The following LRRC4B variants were observed in gnomAD, a reference collection of about 807,000 sequenced individuals.
LRRC4B encodes leucine rich repeat containing 4B, also known as leucine-rich repeat-containing protein 4B.
A neutral mutation model predicts 7.3 loss-of-function variants in LRRC4B; 1 was observed. That is an observed-to-expected ratio of 0.14 (90% CI 0.05 to 0.65). The LOEUF is 0.65. Among genes scored for constraint, LRRC4B ranks in the 30% least tolerant of loss-of-function variants. The pLI is 0.84. For synonymous variants in LRRC4B, 500 were observed against 499.2 expected (o/e 1.00, Z -0.02); for missense variants, 730 against 1,041.6 (o/e 0.70, Z 4.12).
chr19:50,517,682 G>C lies in LRRC4B; in HGVS notation c.2031C>G (p.Asn677Lys). ...AAAFKAHYSS[N>K]PSGGGCGGKG... ...TGCCCCCGCAGCCCCCGCCGCTGGGGTTGCTGCTGTAGTGCGCCTTGAAGG... is the reference window on the plus strand; with the variant it reads ...TGCCCCCGCAGCCCCCGCCGCTGGGCTTGCTGCTGTAGTGCGCCTTGAAGG... The change falls in exon 3 of 3, where the codon AAC becomes AAG. Residue 677 changes from asparagine to lysine, a missense_variant. By Grantham distance (94) the Asn-to-Lys change is moderately conservative (BLOSUM62 0). Transcript: ENST00000652263. The surrounding 1 kb of genome is among the most constrained non-coding windows in gnomAD (Gnocchi z 6.6). The C allele has an allele frequency of 6.5e-7, 1 of 1,543,840 alleles. No homozygotes were observed. Among genetic ancestry groups the C allele is most frequent in the African/African-American group, 1.4e-5 (1 of 70,172 alleles).
chr19:50,536,219 C>T (rs544723943), intron 2 of LRRC4B, among the ~76,000 whole-genome samples: 2 of 152,018 alleles, frequency 1.3e-5, no homozygotes, highest in Admixed American at 6.6e-5. Flanking sequence ...CTGCAACCTT[C>T]GCCTCCCAGG....
intron 1 of LRRC4B, among the ~76,000 whole-genome samples, chr19:50,564,863 G>T (rs1157404958): frequency 1.0e-5 from 1 of 96,250 alleles, no homozygotes; most frequent in Non-Finnish European, 2.2e-5. Flanking sequence ...AGGGACTGAG[G>T]ATTCAGCGGC....
Position 50,555,598 on chromosome 19 carries a change from A to C in LRRC4B, c.-35-6725T>G, listed in dbSNP as rs749362121. On this transcript the variant is annotated intron_variant, in intron 1 of 2. Coordinates refer to ENST00000652263, the MANE Select transcript of LRRC4B (RefSeq NM_001080457.2). This position sits in a 1 kb window ranked among gnomAD's most constrained non-coding sequence, Gnocchi z 5.2. Reference sequence around the variant, plus strand: ...GGAGGGCCCGGGCACTCGAGGCGTGAAGCTGAGTCCTCACCGGCTTCGCCA... The same window carrying C: ...GGAGGGCCCGGGCACTCGAGGCGTGCAGCTGAGTCCTCACCGGCTTCGCCA... 6.6e-6 allele frequency: 1 copy of C among 152,392 alleles called. No individual in the cohort carries two copies. The highest frequency in any genetic ancestry group is 1.5e-5 in the Non-Finnish European group (1 of 68,256). 9.4% of individuals were successfully genotyped at this position (152,392 alleles called of 1,614,324 possible). A position where few individuals can be genotyped will look rare whatever the true frequency, so the allele number is the denominator to read the frequency against.
At position 50,517,555 on chromosome 19, in the gene LRRC4B, G is replaced by A. The variant is rs529957086; in HGVS notation, c.*16C>T. The A allele has an allele frequency of 2.8e-6, 4 of 1,414,518 alleles. No individual in the cohort carries two copies. The highest frequency in any genetic ancestry group is 2.7e-5 in the East Asian group (1 of 36,560). 87.6% of individuals were successfully genotyped at this position (1,414,518 alleles called of 1,614,324 possible). A position where few individuals can be genotyped will look rare whatever the true frequency, so the allele number is the denominator to read the frequency against. On this transcript the variant is annotated 3_prime_UTR_variant, in exon 3 of 3. Transcript: ENST00000652263. This position sits in a 1 kb window ranked among gnomAD's most constrained non-coding sequence, Gnocchi z 6.6. ...GTGGGGGGCTCCACGCCCCTCGCCCGCCCGGCCCCGCCGCCTCAGATCTGC... is the reference window on the plus strand; with the variant it reads ...GTGGGGGGCTCCACGCCCCTCGCCCACCCGGCCCCGCCGCCTCAGATCTGC...
chr19:50,522,236 T>C (rs970547818), intron 2 of LRRC4B, among the ~76,000 whole-genome samples: 14 of 152,130 alleles, frequency 9.2e-5, no homozygotes, highest in Non-Finnish European at 1.2e-4. Flanking sequence ...TAAGACACAT[T>C]GAACACATCT....
At chr19:50,531,716 C>A (rs1175081760) in intron 2 of LRRC4B, among the ~76,000 whole-genome samples, 1 of 152,136 alleles carries the variant, frequency 6.6e-6, no homozygotes, top group Non-Finnish European at 1.5e-5. Flanking sequence ...GGGTTTGAAT[C>A]CTGGCTTTGC....
intron 2 of LRRC4B, among the ~76,000 whole-genome samples, chr19:50,527,347 TC>T (rs371252573): frequency 8.7e-6 from 1 of 114,620 alleles, no homozygotes; most frequent in Non-Finnish European, 1.7e-5. Context: ...CTTTCTTTTT[TC>T]TTTTTTTTTT....
At chr19:50,545,525 G>A (rs985276062) in intron 2 of LRRC4B, among the ~76,000 whole-genome samples, 3 of 151,982 alleles carry the variant, frequency 2.0e-5, no homozygotes, top group Non-Finnish European at 4.4e-5. Flanking sequence ...AGGCTGCAGG[G>A]AGCCATGATA....
intron 2 of LRRC4B, among the ~76,000 whole-genome samples, chr19:50,536,582 A>G (rs564284297): frequency 6.6e-6 from 1 of 152,154 alleles, no homozygotes; most frequent in East Asian, 1.9e-4. Flanking sequence ...AATGCTGCAG[A>G]TGGATTAGCC....
rs1217768795 is a variant in LRRC4B, at chr19:50,519,487, G to A, written c.298-72C>T. 3 of 1,461,672 alleles carry A rather than the reference G, an allele frequency of 2.1e-6. No homozygotes were observed. The Admixed American group carries it at 7.4e-5, about 36-fold the overall frequency. The allele number at this position is 1,461,672 out of a possible 1,614,324, so 90.5% of individuals were successfully genotyped here. ...CCGTGGGGGGATCACCAAGGTCCCG[G>A]GCGCAGGTGGGGCCGTGTGGCTGGA... On this transcript the variant is annotated intron_variant, in intron 2 of 2. Transcript: ENST00000652263. This position sits in a 1 kb window ranked among gnomAD's most constrained non-coding sequence, Gnocchi z 8.1.
At chr19:50,527,348 C>CTT (rs59423387) in intron 2 of LRRC4B, among the ~76,000 whole-genome samples, 45 of 124,494 alleles carry the variant, frequency 3.6e-4, no homozygotes, top group African/African-American at 1.2e-3. Flanking sequence ...TTTCTTTTTT[C>CTT]TTTTTTTTTT....
Position 50,520,702 on chromosome 19 carries a change from C to T in LRRC4B, c.298-1287G>A, listed in dbSNP as rs1980537414. Among the ~76,000 whole-genome samples the T allele has an allele frequency of 2.0e-5, 3 of 151,904 alleles. No individual in the cohort carries two copies. The South Asian group carries it at 6.2e-4, about 32-fold the overall frequency. On this transcript the variant is annotated intron_variant, in intron 2 of 2. Coordinates refer to ENST00000652263, the MANE Select transcript of LRRC4B (RefSeq NM_001080457.2). ...CTGTAATCCCAGCACTTTGGGAGGC[C>T]AAGGTGAGAGGATCACCTGAGCGCA...
intron 2 of LRRC4B, among the ~76,000 whole-genome samples, chr19:50,525,953 G>A (rs977394138): frequency 2.0e-5 from 3 of 152,116 alleles, no homozygotes; most frequent in Non-Finnish European, 2.9e-5. Flanking sequence ...CCCAGGAGGC[G>A]AGGTTGCGGT....
rs866650371 is a variant in LRRC4B, at chr19:50,522,515, C to T, written c.298-3100G>A. 5.3e-5 allele frequency among the ~76,000 whole-genome samples: 8 copies of T among 151,118 alleles called. No homozygotes were observed. In the South Asian group the frequency reaches 1.0e-3, roughly 20 times the overall value. On this transcript the variant is annotated intron_variant, in intron 2 of 2. Coordinates refer to ENST00000652263, the MANE Select transcript of LRRC4B (RefSeq NM_001080457.2). ...ATTTTGAGATGGAGTCTCGCTCTGT[C>T]GCCCAGCCTGGAGTGCAGAGGCGTG...
Position 50,517,604 on chromosome 19 carries a change from G to A in LRRC4B, c.2109C>T (p.Gly703=). 6.8e-7 allele frequency: 1 copy of A among 1,464,144 alleles called. No individual in the cohort carries two copies. Among genetic ancestry groups the A allele is most frequent in the Non-Finnish European group, 9.0e-7 (1 of 1,109,170 alleles). 90.7% of individuals were successfully genotyped at this position (1,464,144 alleles called of 1,614,324 possible). ...SIHEPLLFKS[G]SKENVQETQI is the part of the protein sequence containing the mutation. The stretch of plus-strand genomic sequence containing the variant: ...GCGTCTCTTGCACGTTCTCCTTGGA[G>A]CCGCTCTTGAAGAGCAGAGGTTCGT... The change falls in exon 3 of 3, where the codon GGC becomes GGT. Residue 703 remains glycine, a synonymous_variant. Transcript: ENST00000652263. This position sits in a 1 kb window ranked among gnomAD's most constrained non-coding sequence, Gnocchi z 6.6.
intron 1 of LRRC4B, among the ~76,000 whole-genome samples, chr19:50,566,293 C>T (rs1034094219): frequency 6.6e-6 from 1 of 150,592 alleles, no homozygotes; most frequent in East Asian, 2.0e-4. Context: ...GGCGGCTGCG[C>T]GGCCGGGACT....
At position 50,553,458 on chromosome 19, in the gene LRRC4B, C is replaced by G. The variant is rs1487080091; in HGVS notation, c.-35-4585G>C. On this transcript the variant is annotated intron_variant, in intron 1 of 2. Transcript: ENST00000652263. This position sits in a 1 kb window ranked among gnomAD's most constrained non-coding sequence, Gnocchi z 4.2. ...TGTTTCCAGAACAGGCCGTGCACAC[C>G]CCGGCCCCAGGGCCTTTGCACCTGC... 6.6e-6 allele frequency among the ~76,000 whole-genome samples: 1 copy of G among 152,224 alleles called. No homozygotes were observed. The highest frequency in any genetic ancestry group is 1.5e-5 in the Non-Finnish European group (1 of 68,038).
rs776162275 is a variant in LRRC4B at position 50,518,124 on chromosome 19, G to T, written c.1589C>A (p.Ala530Glu). ...GGTAGAAGACGAGGCAGGGCCGGCC[G>T]CGTCCCCAGGCCGGCCCCCACCCCA... Reference protein sequence around the residue: ...GVWGGGRPGDAAGPASSSTTA... With the variant: ...GVWGGGRPGDEAGPASSSTTA... The change falls in exon 3 of 3, where the codon GCG (alanine) becomes GAG (glutamate). Residue 530 changes from alanine to glutamate, a missense_variant. By Grantham distance (107) the Ala-to-Glu change is moderately radical (BLOSUM62 -1). Around this residue, in one of 6 missense-constraint regions of LRRC4B, gnomAD observed 192 missense variants for 228.6 expected, o/e 0.84. Transcript: ENST00000652263. 6.3e-7 allele frequency: 1 copy of T among 1,592,534 alleles called. No homozygotes were observed.
At chr19:50,545,465 C>G (rs1436706601) in intron 2 of LRRC4B, among the ~76,000 whole-genome samples, 3 of 151,122 alleles carry the variant, frequency 2.0e-5, no homozygotes, top group Admixed American at 6.6e-5. Context: ...CCAGTAGTCC[C>G]AGCTACTCTG....
Sources: gnomAD v4.1 joint callset for allele counts (sites outside exome capture counted in the v4.1 genomes callset) on GRCh38, gnomAD v4.1.1 for gene constraint, gnomAD v4.1.1 regional missense constraint, Gnocchi (gnomAD v3.1) non-coding constraint, MANE v1.5 for transcripts, NCBI Gene and HGNC (gene_info 2026-07-23, HGNC 2026-07-21) for gene names.